Variants in GPC5 observed in about 807,000 individuals in gnomAD.
The protein encoded by GPC5 is glypican-5.
A neutral mutation model predicts 53.9 loss-of-function variants in GPC5; 47 were observed. The observed-to-expected ratio is 0.87, with a 90% CI of 0.69 to 1.11. The LOEUF (loss-of-function observed/expected upper bound fraction) is 1.11. GPC5 is among the 50% of genes most tolerant of loss of function. The probability of loss-of-function intolerance (pLI) is 0.00; values close to 1 mark genes in which losing one functional copy is unlikely to be tolerated. For missense variants in GPC5, 748 were observed against 713.1 expected (o/e 1.05, Z -0.56); for synonymous variants, 286 against 263.3 (o/e 1.09, Z -0.84).
intron 5 of GPC5, among the ~76,000 whole-genome samples, chr13:91,877,109 A>G (rs2039211487): frequency 6.6e-6 from 1 of 152,222 alleles, no homozygotes; most frequent in African/African-American, 2.4e-5. Flanking sequence ...AGATGTTTGG[A>G]AACTCCTGGA....
At chr13:91,542,620 C>T (rs2030012460) in intron 2 of GPC5, among the ~76,000 whole-genome samples, 1 of 152,178 alleles carries the variant, frequency 6.6e-6, no homozygotes, top group Admixed American at 6.5e-5. Flanking sequence ...TCCTTGCATC[C>T]CTCCTTAGGG....
chr13:91,491,724 G>A (rs990004753), intron 2 of GPC5, among the ~76,000 whole-genome samples: 2 of 152,048 alleles, frequency 1.3e-5, no homozygotes, highest in Admixed American at 6.6e-5. Flanking sequence ...TTGTGACTGG[G>A]CATCCCCAGT....
intron 7 of GPC5, among the ~76,000 whole-genome samples, chr13:92,435,017 C>T (rs775661753): frequency 2.6e-5 from 4 of 152,130 alleles, no homozygotes; most frequent in African/African-American, 7.2e-5. Context: ...CTGGTTCAAG[C>T]GATTCTTCTG....
chr13:92,193,617 T>C (rs2042238490), intron 7 of GPC5, among the ~76,000 whole-genome samples: 1 of 152,176 alleles, frequency 6.6e-6, no homozygotes, highest in African/African-American at 2.4e-5. Context: ...CTTAAACCAT[T>C]TTCCTATCAT....
intron 3 of GPC5, among the ~76,000 whole-genome samples, chr13:91,713,808 C>G (rs944971889): frequency 1.3e-5 from 2 of 152,200 alleles, no homozygotes; most frequent in Non-Finnish European, 2.9e-5. Context: ...AATTTCCAAT[C>G]CTGATTCCTA....
At chr13:91,548,945 C>A (rs2030457638) in intron 2 of GPC5, among the ~76,000 whole-genome samples, 2 of 152,038 alleles carry the variant, frequency 1.3e-5, no homozygotes, top group African/African-American at 4.8e-5. Context: ...TCACAAAAAT[C>A]AACTCAAAGT....
intron 5 of GPC5, among the ~76,000 whole-genome samples, chr13:91,816,303 T>G (rs554844337): frequency 6.6e-6 from 1 of 152,266 alleles, no homozygotes; most frequent in South Asian, 2.1e-4. Context: ...AAAGTATTGT[T>G]GAGTGAATGC....
chr13:91,451,935 C>A (rs1011621515), intron 2 of GPC5, among the ~76,000 whole-genome samples: 2 of 151,760 alleles, frequency 1.3e-5, no homozygotes, highest in Admixed American at 1.3e-4. Flanking sequence ...TTAAAATGAA[C>A]AAAACAGACA....
chr13:91,934,208 G>A (rs1229500860), intron 6 of GPC5, among the ~76,000 whole-genome samples: 2 of 151,884 alleles, frequency 1.3e-5, no homozygotes, highest in African/African-American at 4.8e-5. Flanking sequence ...GGAAAAATCA[G>A]AAGTTAAAAG....
intron 1 of GPC5, among the ~76,000 whole-genome samples, chr13:91,436,595 C>T (rs1440770030): frequency 3.3e-5 from 5 of 152,102 alleles, no homozygotes; most frequent in Admixed American, 1.3e-4. Flanking sequence ...CTGAGGAGTG[C>T]TTTACTTCCA....
chr13:91,600,073 A>T (rs2033125955), intron 2 of GPC5, among the ~76,000 whole-genome samples: 2 of 152,106 alleles, frequency 1.3e-5, no homozygotes, highest in African/African-American at 2.4e-5. Context: ...GGCACATGCC[A>T]CCACACCCAG....
Position 92,529,471 on chromosome 13 carries a change from T to A in GPC5, c.1562-336811T>A, listed in dbSNP as rs183297554. Among the ~76,000 whole-genome samples the A allele has an allele frequency of 1.3e-3, 192 of 152,312 alleles. 1 individual carries two copies. The highest frequency in any genetic ancestry group is 4.5e-3 in the African/African-American group (187 of 41,580). ...TATCAAATCTCCAGTAATTGAAGAA[T>A]TAATGATCAAATCAGCAACACACAT... On this transcript the variant is annotated intron_variant, in intron 7 of 7. Coordinates refer to ENST00000377067, the MANE Select transcript of GPC5 (RefSeq NM_004466.6).
chr13:92,744,263 C>T (rs1889185045), intron 7 of GPC5, among the ~76,000 whole-genome samples: 2 of 151,812 alleles, frequency 1.3e-5, no homozygotes, highest in Non-Finnish European at 2.9e-5. Flanking sequence ...GAGCTGAAAT[C>T]TACAAGATAG....
intron 6 of GPC5, among the ~76,000 whole-genome samples, chr13:92,064,623 G>C (rs183808770): frequency 4.9e-4 from 75 of 151,938 alleles, no homozygotes; most frequent in African/African-American, 1.6e-3. Context: ...AGGCGTGGTG[G>C]GGGGGCGCCT....
At chr13:92,256,316 A>G (rs1439443137) in intron 7 of GPC5, among the ~76,000 whole-genome samples, 3 of 152,004 alleles carry the variant, frequency 2.0e-5, no homozygotes, top group Admixed American at 6.6e-5. Flanking sequence ...ATGATCTCGA[A>G]TATTTATAAG....
chr13:92,341,402 G>T (rs1397707760), intron 7 of GPC5, among the ~76,000 whole-genome samples: 1 of 151,878 alleles, frequency 6.6e-6, no homozygotes, highest in East Asian at 1.9e-4. Context: ...GAGACACAAA[G>T]ATTTTTTTAA....
chr13:92,631,536 A>G (rs1350393183), intron 7 of GPC5, among the ~76,000 whole-genome samples: 1 of 152,158 alleles, frequency 6.6e-6, no homozygotes, highest in Non-Finnish European at 1.5e-5. Context: ...GAAGAATAAT[A>G]TATTGTTCTC....
chr13:92,600,882 ATG>A (rs904465660), intron 7 of GPC5, among the ~76,000 whole-genome samples: 3 of 152,252 alleles, frequency 2.0e-5, no homozygotes, highest in African/African-American at 7.2e-5. Flanking sequence ...TTACCCAAAT[ATG>A]AAAATAGCCT....
chr13:91,583,263 A>G (rs1476886793), intron 2 of GPC5, among the ~76,000 whole-genome samples: 1 of 152,204 alleles, frequency 6.6e-6, no homozygotes, highest in East Asian at 1.9e-4. Flanking sequence ...AAAGGAACAA[A>G]CAAAACTATT....
Sources: gnomAD v4.1 joint callset for allele counts (sites outside exome capture counted in the v4.1 genomes callset) on GRCh38, gnomAD v4.1.1 for gene constraint, MANE v1.5 for transcripts, NCBI Gene and HGNC (gene_info 2026-07-23, HGNC 2026-07-21) for gene names.